Variants in ELOVL7 observed in about 807,000 individuals in gnomAD.
ELOVL7 encodes very long chain fatty acid elongase 7.
ELOVL7 carries 27 observed loss-of-function variants against 35.7 expected under a neutral mutation model. The ratio of observed to expected loss-of-function variants is 0.76; its 90% CI spans 0.56 to 1.04. The LOEUF (loss-of-function observed/expected upper bound fraction) is 1.04, where lower values mean the gene tolerates loss of function less well. Ranked by LOEUF, ELOVL7 falls within the 50% of genes least tolerant of loss-of-function variation. The pLI is 0.00. For synonymous variants in ELOVL7, 113 were observed against 114.6 expected (o/e 0.99, Z 0.09); for missense variants, 327 against 340.8 (o/e 0.96, Z 0.32).
intron 1 of ELOVL7, among the ~76,000 whole-genome samples, chr5:60,810,986 A>G (rs1164826056): frequency 6.6e-6 from 1 of 152,162 alleles, no homozygotes; most frequent in African/African-American, 2.4e-5. Context: ...TAAATAAGGT[A>G]TATTTATCTG....
intron 1 of ELOVL7, among the ~76,000 whole-genome samples, chr5:60,835,216 T>C (rs1160985238): frequency 2.8e-5 from 4 of 142,316 alleles, no homozygotes; most frequent in African/African-American, 1.1e-4. Flanking sequence ...AAAGACAGAG[T>C]AGTCCCAAGA....
At chr5:60,765,681 G>A (rs1463172704) in intron 6 of ELOVL7, among the ~76,000 whole-genome samples, 1 of 152,146 alleles carries the variant, frequency 6.6e-6, no homozygotes, top group Non-Finnish European at 1.5e-5. Context: ...GTTTTAACAA[G>A]TCTCAGGTGA....
chr5:60,842,764 C>G (rs979717669), intron 1 of ELOVL7, among the ~76,000 whole-genome samples: 2 of 152,180 alleles, frequency 1.3e-5, no homozygotes, highest in Non-Finnish European at 2.9e-5. Context: ...GTTACTTAAC[C>G]TCTCCGTGCC....
At chr5:60,776,171 G>A (rs377600351) in intron 3 of ELOVL7, among the ~76,000 whole-genome samples, 2 of 152,128 alleles carry the variant, frequency 1.3e-5, no homozygotes, top group East Asian at 3.8e-4. Flanking sequence ...AGCATGAACA[G>A]ACACTTCACA....
intron 3 of ELOVL7, among the ~76,000 whole-genome samples, chr5:60,782,030 T>C (rs1469229549): frequency 6.6e-6 from 1 of 152,166 alleles, no homozygotes; most frequent in East Asian, 1.9e-4. Context: ...ACAACCTTGG[T>C]CCAATTGAAT....
chr5:60,781,488 T>A (rs1050847189), intron 3 of ELOVL7, among the ~76,000 whole-genome samples: 1 of 152,186 alleles, frequency 6.6e-6, no homozygotes, highest in African/African-American at 2.4e-5. Flanking sequence ...ATTTCTCTGT[T>A]CTTCCTCTGG....
intron 2 of ELOVL7, among the ~76,000 whole-genome samples, chr5:60,795,521 T>C (rs1469593011): frequency 1.3e-5 from 2 of 152,172 alleles, no homozygotes; most frequent in Non-Finnish European, 2.9e-5. Context: ...TACCCTCCCA[T>C]TGTATGGGAG....
At position 60,784,400 on chromosome 5, in the gene ELOVL7, A is replaced by G. The variant is rs531032084; in HGVS notation, c.64+2934T>C. Among the ~76,000 whole-genome samples the G allele has an allele frequency of 3.3e-5, 5 of 152,314 alleles. No individual in the cohort carries two copies. The East Asian group carries it at 9.6e-4, about 29-fold the overall frequency. On this transcript the variant is annotated intron_variant, in intron 3 of 8. Coordinates refer to ENST00000508821, the MANE Select transcript of ELOVL7 (RefSeq NM_024930.3). Reference sequence around the variant, plus strand: ...ACATTAAAAACTTTTTCATTTCTCCATTATCCAAAATGCTACCATAGCATT... The same window carrying G: ...ACATTAAAAACTTTTTCATTTCTCCGTTATCCAAAATGCTACCATAGCATT...
chr5:60,837,816 C>T lies in ELOVL7; in HGVS notation c.-86+6344G>A, dbSNP rs372169297. On this transcript the variant is annotated intron_variant, in intron 1 of 8. Transcript: ENST00000508821. ...AATTAGCCAGGCATGATGGTGCATG[C>T]CTGTAATCCCAGCTACTCGGGAGGC... Among the ~76,000 whole-genome samples, 12 of 152,238 alleles carry T rather than the reference C, an allele frequency of 7.9e-5. No homozygotes were observed. In the East Asian group the frequency reaches 2.3e-3, roughly 30 times the overall value.
chr5:60,835,686 T>C (rs1746755993), intron 1 of ELOVL7, among the ~76,000 whole-genome samples: 1 of 152,030 alleles, frequency 6.6e-6, no homozygotes, highest in Non-Finnish European at 1.5e-5. Flanking sequence ...GTGGTGGGAT[T>C]ACAGGCGTGA....
intron 1 of ELOVL7, among the ~76,000 whole-genome samples, chr5:60,838,683 T>C (rs1332121681): frequency 2.6e-5 from 4 of 152,194 alleles, no homozygotes; most frequent in Admixed American, 1.3e-4. Flanking sequence ...CATGGGGAAT[T>C]TGTAAGCTAT....
At chr5:60,774,558 G>A (rs1742793354) in intron 3 of ELOVL7, among the ~76,000 whole-genome samples, 1 of 152,068 alleles carries the variant, frequency 6.6e-6, no homozygotes, top group Non-Finnish European at 1.5e-5. Context: ...ATGGGCAAAC[G>A]CTGGAAGTAT....
intron 3 of ELOVL7, among the ~76,000 whole-genome samples, chr5:60,780,576 T>G (rs573705851): frequency 6.6e-6 from 1 of 152,306 alleles, no homozygotes; most frequent in Non-Finnish European, 1.5e-5. Context: ...ATTCTCACAC[T>G]GCTATGAAGA....
At chr5:60,799,059 T>C (rs1260696936) in intron 2 of ELOVL7, 121 bp downstream of exon 2, 1 of 152,060 alleles carries the variant, frequency 6.6e-6, no homozygotes, top group African/African-American at 2.4e-5. Context: ...GGAAGAAAAC[T>C]GGAAAATTCA....
intron 8 of ELOVL7, among the ~76,000 whole-genome samples, chr5:60,755,091 T>C (rs1217504377): frequency 6.6e-6 from 1 of 152,186 alleles, no homozygotes; most frequent in Non-Finnish European, 1.5e-5. Flanking sequence ...AGCTGTGCAG[T>C]GCAGCAACCT....
At chr5:60,761,883 T>C (rs1430509860) in intron 7 of ELOVL7, among the ~76,000 whole-genome samples, 1 of 152,104 alleles carries the variant, frequency 6.6e-6, no homozygotes, top group African/African-American at 2.4e-5. Context: ...AGAGGGCAAA[T>C]GGGCCTGCGG....
chr5:60,809,250 G>A (rs539256237), intron 1 of ELOVL7, among the ~76,000 whole-genome samples: 1 of 152,300 alleles, frequency 6.6e-6, no homozygotes, highest in South Asian at 2.1e-4. Flanking sequence ...GTTCTCCAGT[G>A]TTGAGTGAAT....
At chr5:60,784,040 C>T (rs762386936) in intron 3 of ELOVL7, 44 of 812,270 alleles carry the variant, frequency 5.4e-5, no homozygotes, top group Non-Finnish European at 7.2e-5. Context: ...CTTAATAATT[C>T]GTTTCTAAGA....
At chr5:60,756,212 G>A (rs1429910803) in intron 8 of ELOVL7, among the ~76,000 whole-genome samples, 1 of 151,848 alleles carries the variant, frequency 6.6e-6, no homozygotes, top group Non-Finnish European at 1.5e-5. Context: ...TAAAAAGTTT[G>A]TACATTTAAG....
Sources: allele counts gnomAD v4.1 joint callset (sites outside exome capture counted in the v4.1 genomes callset), GRCh38; gene constraint gnomAD v4.1.1; transcripts MANE v1.5; gene names NCBI Gene and HGNC (gene_info 2026-07-23, HGNC 2026-07-21).